The following HS1BP3 variants were observed in gnomAD, a reference collection of about 807,000 sequenced individuals.
HS1BP3 encodes HCLS1-binding protein 3.
Under a neutral mutation model 33.5 loss-of-function variants are expected in HS1BP3, and 32 were observed. The ratio of observed to expected loss-of-function variants is 0.95; its 90% confidence interval spans 0.72 to 1.28. HS1BP3 has a LOEUF of 1.28. Among genes scored for constraint, HS1BP3 ranks in the 50% most tolerant of loss-of-function variants. HS1BP3 has a pLI of 0.00. For synonymous variants in HS1BP3, 187 were observed against 209.2 expected, an observed-to-expected ratio of 0.89 and a Z score of 0.92; for missense variants, 486 against 502.3, an observed-to-expected ratio of 0.97 and a Z score of 0.31.
chr2:20,651,001 G>A, intron 1 of HS1BP3, 31 bp downstream of exon 1: 1 of 1,235,510 alleles, frequency 8.1e-7, no homozygotes, highest in East Asian at 3.1e-5. Context: ...ACTGCGAGCT[G>A]TGCGGTGTGG....
At chr2:20,650,997 A>G (rs1246349972) in intron 1 of HS1BP3, 35 bp downstream of exon 1, 2 of 1,234,250 alleles carry the variant, frequency 1.6e-6, no homozygotes, top group East Asian at 6.2e-5. Context: ...CCGGACTGCG[A>G]GCTGTGCGGT....
At chr2:20,584,321 C>T (rs970054429) in intron 5 of HS1BP3, among the ~76,000 whole-genome samples, 4 of 152,222 alleles carry the variant, frequency 2.6e-5, no homozygotes, top group African/African-American at 9.6e-5. Context: ...TCTCTTCCTC[C>T]CACTGCTCAG....
intron 5 of HS1BP3, among the ~76,000 whole-genome samples, chr2:20,563,890 C>T (rs1040016193): frequency 2.0e-5 from 3 of 152,172 alleles, no homozygotes; most frequent in Non-Finnish European, 4.4e-5. Flanking sequence ...GAATCAGACC[C>T]CAAGGGGTTT....
At chr2:20,580,380 G>A (rs113637511) in intron 5 of HS1BP3, among the ~76,000 whole-genome samples, 7 of 152,270 alleles carry the variant, frequency 4.6e-5, no homozygotes, top group African/African-American at 9.6e-5. Flanking sequence ...TTAGCCAGGC[G>A]TATCAGTGTG....
intron 5 of HS1BP3, among the ~76,000 whole-genome samples, chr2:20,566,246 C>T (rs1693124606): frequency 6.6e-6 from 1 of 152,230 alleles, no homozygotes; most frequent in Admixed American, 6.5e-5. Flanking sequence ...CCTATAACTG[C>T]CCATCTCCCC....
intron 5 of HS1BP3, among the ~76,000 whole-genome samples, chr2:20,573,200 G>C (rs978498079): frequency 1.4e-4 from 22 of 152,156 alleles, no homozygotes; most frequent in Non-Finnish European, 2.6e-4. Flanking sequence ...GACTTTTCTG[G>C]ATTTAGGGTA....
intron 2 of HS1BP3, among the ~76,000 whole-genome samples, chr2:20,608,720 C>T (rs1694254076): frequency 6.6e-6 from 1 of 152,138 alleles, no homozygotes; most frequent in South Asian, 2.1e-4. Context: ...GTCCGGCTGT[C>T]ACCCTTGCTC....
chr2:20,643,664 G>A (rs548121828), intron 2 of HS1BP3, among the ~76,000 whole-genome samples: 2 of 152,336 alleles, frequency 1.3e-5, no homozygotes, highest in African/African-American at 4.8e-5. Context: ...GTTCACACCT[G>A]TAATCCCAGC....
intron 2 of HS1BP3, among the ~76,000 whole-genome samples, chr2:20,607,208 T>C (rs1277294345): frequency 2.6e-5 from 4 of 151,508 alleles, no homozygotes; most frequent in Non-Finnish European, 5.9e-5. Flanking sequence ...CAGGCTGGAG[T>C]GCAGTGGTGT....
intron 1 of HS1BP3, among the ~76,000 whole-genome samples, chr2:20,646,910 T>C (rs1377855276): frequency 2.6e-5 from 4 of 152,144 alleles, no homozygotes; most frequent in Non-Finnish European, 5.9e-5. Flanking sequence ...AACAGACCCC[T>C]AAAGGGAAAG....
At chr2:20,574,384 A>C (rs750092071) in intron 5 of HS1BP3, among the ~76,000 whole-genome samples, 22 of 152,234 alleles carry the variant, frequency 1.4e-4, no homozygotes, top group Non-Finnish European at 2.5e-4. Flanking sequence ...ATATTAGCCC[A>C]TGAAAATCTT....
chr2:20,606,386 C>A, intron 2 of HS1BP3: 1 of 463,848 alleles, frequency 2.2e-6, no homozygotes. Context: ...TGCTAAGGAG[C>A]TCCTGAAGGC....
At chr2:20,564,665 G>A (rs1693082798) in intron 5 of HS1BP3, among the ~76,000 whole-genome samples, 1 of 152,062 alleles carries the variant, frequency 6.6e-6, no homozygotes, top group Admixed American at 6.6e-5. Flanking sequence ...CGTATTTTTA[G>A]TAGAGATGGA....
intron 4 of HS1BP3, among the ~76,000 whole-genome samples, chr2:20,629,473 G>C (rs1340462197): frequency 6.6e-6 from 1 of 152,214 alleles, no homozygotes; most frequent in Non-Finnish European, 1.5e-5. Flanking sequence ...TGGAAGGACA[G>C]CTGGTCATGA....
intron 3 of HS1BP3, among the ~76,000 whole-genome samples, chr2:20,594,342 T>C (rs1157554136): frequency 6.6e-6 from 1 of 152,192 alleles, no homozygotes; most frequent in Non-Finnish European, 1.5e-5. Context: ...GAAAAGATCC[T>C]GGAGGAGGTG....
chr2:20,563,030 C>T (rs1211617379), intron 5 of HS1BP3, among the ~76,000 whole-genome samples: 1 of 152,230 alleles, frequency 6.6e-6, no homozygotes, highest in Non-Finnish European at 1.5e-5. Flanking sequence ...TCGTCAGCTG[C>T]ATTAATGAAT....
chr2:20,604,105 T>A (rs1487858936), intron 2 of HS1BP3, among the ~76,000 whole-genome samples: 1 of 152,216 alleles, frequency 6.6e-6, no homozygotes, highest in Non-Finnish European at 1.5e-5. Context: ...GTGCTCTTGA[T>A]GATGTTTAAA....
downstream of HS1BP3, among the ~76,000 whole-genome samples, chr2:20,613,740 C>T (rs1452420155): frequency 6.6e-6 from 1 of 152,236 alleles, no homozygotes. Flanking sequence ...CCTGACACGT[C>T]CCCTCACATG....
intron 4 of HS1BP3, among the ~76,000 whole-genome samples, chr2:20,630,063 G>C (rs1694924096): frequency 6.6e-6 from 1 of 152,244 alleles, no homozygotes; most frequent in South Asian, 2.1e-4. Flanking sequence ...CCTAGACACA[G>C]CCAGCTTAAC....
Sources: allele counts gnomAD v4.1 joint callset (sites outside exome capture counted in the v4.1 genomes callset), GRCh38; gene constraint gnomAD v4.1.1; transcripts MANE v1.5; gene names NCBI Gene and HGNC (gene_info 2026-07-23, HGNC 2026-07-21).